The following CACNA2D3 variants were observed in gnomAD, a reference collection of about 807,000 sequenced individuals.
CACNA2D3 encodes calcium voltage-gated channel auxiliary subunit alpha2delta 3, also known as voltage-dependent calcium channel subunit alpha-2/delta-3.
A neutral mutation model predicts 160.6 loss-of-function variants in CACNA2D3; 60 were observed. The observed-to-expected ratio is 0.37, with a 90% CI of 0.30 to 0.46. The LOEUF (loss-of-function observed/expected upper bound fraction) is 0.46. CACNA2D3 is among the 20% of genes least tolerant of loss of function. CACNA2D3 has a pLI of 1.00. For missense variants in CACNA2D3, 1,205 were observed against 1,365.0 expected, an observed-to-expected ratio of 0.88 and a Z score of 1.85; for synonymous variants, 558 against 492.9, an observed-to-expected ratio of 1.13 and a Z score of -1.75.
At chr3:54,834,400 G>C (rs1240972246) in intron 14 of CACNA2D3, among the ~76,000 whole-genome samples, 1 of 152,148 alleles carries the variant, frequency 6.6e-6, no homozygotes, top group African/African-American at 2.4e-5. Context: ...AATTCTAAGA[G>C]AACTATTTAC....
chr3:54,669,224 C>A (rs1311863996), intron 11 of CACNA2D3, among the ~76,000 whole-genome samples: 1 of 152,182 alleles, frequency 6.6e-6, no homozygotes, highest in Non-Finnish European at 1.5e-5. Flanking sequence ...ATCCTTAATA[C>A]TTTTCACAAT....
At chr3:54,528,926 C>G (rs1701765874) in intron 5 of CACNA2D3, among the ~76,000 whole-genome samples, 1 of 152,172 alleles carries the variant, frequency 6.6e-6, no homozygotes, top group Non-Finnish European at 1.5e-5. Flanking sequence ...CCCATGTGGC[C>G]ATGCTGGTGG....
In CACNA2D3 at chr3:54,515,199, T is replaced by TGAGAGA. The variant is rs778355205; in HGVS notation, c.544+11562_544+11567dup. Among the ~76,000 whole-genome samples the TGAGAGA allele has an allele frequency of 6.2e-3, 897 of 143,664 alleles. 5 individuals are homozygous for TGAGAGA. The highest frequency in any genetic ancestry group is 0.022 in the African/African-American group (868 of 38,866). 94.2% of individuals were successfully genotyped at this position (143,664 alleles called of 152,430 possible). The stretch of plus-strand genomic sequence containing the variant: ...CTGTGTGTGTGTGTGTGTGTGTGTG[T>TGAGAGA]GAGAGAGAGAGAGAGAGAGAGAAAG... On this transcript the variant is annotated intron_variant, in intron 5 of 37. Transcript: ENST00000474759.
chr3:54,672,159 T>C (rs991219408), intron 11 of CACNA2D3, among the ~76,000 whole-genome samples: 1 of 152,242 alleles, frequency 6.6e-6, no homozygotes, highest in Admixed American at 6.5e-5. Context: ...ACACAGCTGC[T>C]TTTTTAAGGT....
chr3:54,131,462 C>T (rs566119201), intron 2 of CACNA2D3, among the ~76,000 whole-genome samples: 31 of 152,318 alleles, frequency 2.0e-4, no homozygotes, highest in African/African-American at 7.2e-4. Flanking sequence ...CAGCCATTTC[C>T]CTTGCTGTGG....
chr3:54,763,089 A>AG (rs1470373793), intron 12 of CACNA2D3, among the ~76,000 whole-genome samples: 1 of 136,658 alleles, frequency 7.3e-6, no homozygotes, highest in Admixed American at 7.7e-5. Flanking sequence ...CTCCATCTCA[A>AG]AAAAAAAAAA....
chr3:54,987,805 A>G (rs1309956385), intron 31 of CACNA2D3, 52 bp downstream of exon 31: 10 of 1,387,742 alleles, frequency 7.2e-6, no homozygotes, highest in Non-Finnish European at 9.9e-6. Context: ...CCTAAATAAA[A>G]TAAAACAAGC....
chr3:54,720,511 G>A (rs933448262), intron 11 of CACNA2D3, among the ~76,000 whole-genome samples: 1 of 151,946 alleles, frequency 6.6e-6, no homozygotes, highest in Admixed American at 6.6e-5. Context: ...CTTTACAGAT[G>A]ATCATACGAT....
intron 13 of CACNA2D3, among the ~76,000 whole-genome samples, chr3:54,794,507 C>T (rs1394090068): frequency 2.6e-5 from 4 of 152,012 alleles, no homozygotes. Flanking sequence ...TTTGGATATA[C>T]TCAAGCTTCC....
At chr3:54,248,871 A>G (rs891713277) in intron 2 of CACNA2D3, among the ~76,000 whole-genome samples, 3 of 152,230 alleles carry the variant, frequency 2.0e-5, no homozygotes, top group African/African-American at 7.2e-5. Flanking sequence ...CAGAATGGGT[A>G]GTGGAAGAAG....
At chr3:54,871,645 T>C in intron 18 of CACNA2D3, 23 bp downstream of exon 18, 1 of 1,569,394 alleles carries the variant, frequency 6.4e-7, no homozygotes, top group African/African-American at 1.3e-5. Flanking sequence ...TTTTCAGGCC[T>C]CGTGGAGAAG....
intron 5 of CACNA2D3, among the ~76,000 whole-genome samples, chr3:54,547,680 T>G (rs1361393524): frequency 6.9e-6 from 1 of 145,514 alleles, no homozygotes; most frequent in East Asian, 2.0e-4. Context: ...CCCTTTTTTT[T>G]TTTTTTTTTT....
intron 2 of CACNA2D3, among the ~76,000 whole-genome samples, chr3:54,291,797 G>T (rs986602038): frequency 4.6e-5 from 7 of 152,170 alleles, no homozygotes; most frequent in African/African-American, 1.7e-4. Flanking sequence ...TCGAAGTGTA[G>T]TCTAGGGAAG....
intron 35 of CACNA2D3, among the ~76,000 whole-genome samples, chr3:55,058,712 A>G (rs1575456866): frequency 6.6e-6 from 1 of 152,216 alleles, no homozygotes; most frequent in South Asian, 2.1e-4. Flanking sequence ...AAAATTGAAA[A>G]ATAGAGAATT....
intron 11 of CACNA2D3, among the ~76,000 whole-genome samples, chr3:54,659,169 T>C (rs1269407017): frequency 6.6e-6 from 1 of 152,176 alleles, no homozygotes; most frequent in Non-Finnish European, 1.5e-5. Context: ...AAAAATTAGA[T>C]AAATAACACA....
At chr3:55,072,957 C>T (rs564564752) in intron 35 of CACNA2D3, among the ~76,000 whole-genome samples, 85 of 152,282 alleles carry the variant, frequency 5.6e-4, no homozygotes, top group Non-Finnish European at 9.7e-4. Context: ...AGACGTTGTG[C>T]AAAGCAGTAT....
intron 4 of CACNA2D3, among the ~76,000 whole-genome samples, chr3:54,436,065 C>T (rs1406660801): frequency 6.6e-6 from 1 of 151,842 alleles, no homozygotes; most frequent in Non-Finnish European, 1.5e-5. Context: ...AACAGAGAGA[C>T]CTAAAGGATC....
intron 3 of CACNA2D3, among the ~76,000 whole-genome samples, chr3:54,359,465 G>A (rs950147329): frequency 6.6e-6 from 1 of 152,138 alleles, no homozygotes; most frequent in African/African-American, 2.4e-5. Context: ...TGAGCTGGCA[G>A]GCGTCCTAGG....
intron 35 of CACNA2D3, among the ~76,000 whole-genome samples, chr3:55,035,784 A>G (rs1296567035): frequency 1.3e-5 from 2 of 152,210 alleles, no homozygotes; most frequent in Non-Finnish European, 2.9e-5. Flanking sequence ...TAGAAAATAT[A>G]TACCCTTGAA....
Sources: gnomAD v4.1 joint callset for allele counts (sites outside exome capture counted in the v4.1 genomes callset) on GRCh38, gnomAD v4.1.1 for gene constraint, MANE v1.5 for transcripts, NCBI Gene and HGNC (gene_info 2026-07-23, HGNC 2026-07-21) for gene names.